The following SNURF variants were observed in gnomAD, a reference collection of about 807,000 sequenced individuals.
SNURF encodes the protein SNURF protein.
Under a neutral mutation model 11.6 loss-of-function variants are expected in SNURF, and 6 were observed. That is an observed-to-expected ratio of 0.52 (90% CI 0.28 to 1.02). SNURF has a LOEUF of 1.02. Ranked by LOEUF, SNURF falls within the 50% of genes least tolerant of loss-of-function variation. The pLI is 0.09. For missense variants in SNURF, 84 were observed against 88.4 expected (o/e 0.95, Z 0.20); for synonymous variants, 29 against 31.6 (o/e 0.92, Z 0.27).
downstream of SNURF, chr15:24,978,415 C>G: frequency 6.2e-7 from 1 of 1,613,838 alleles, no homozygotes; most frequent in Non-Finnish European, 8.5e-7. Flanking sequence ...AGGTCCACCT[C>G]CCCCAGGAAT....
chr15:24,977,999 A>G, downstream of SNURF: 9 of 1,370,644 alleles, frequency 6.6e-6, no homozygotes, highest in South Asian at 1.3e-4. Flanking sequence ...CTGAGAGCCT[A>G]AGAATTTGGG....
chr15:24,975,299 A>G, intron 3 of SNURF: 1 of 1,384,028 alleles, frequency 7.2e-7, no homozygotes, highest in Non-Finnish European at 1.0e-6. Context: ...GAAACAGGAG[A>G]AGATTAGAAG....
chr15:24,967,191 G>A (rs1049807752), intron 2 of SNURF: 5 of 152,364 alleles, frequency 3.3e-5, no homozygotes, highest in Middle Eastern at 3.2e-3. Context: ...GTTTCTTCAA[G>A]GCTGCCAGCT....
chr15:24,971,893 C>G (rs1469341310), downstream of SNURF, among the ~76,000 whole-genome samples: 2 of 152,198 alleles, frequency 1.3e-5, no homozygotes, highest in African/African-American at 4.8e-5. Flanking sequence ...CTGTCTTGCT[C>G]ATTCACAGTC....
At chr15:24,971,315 T>C (rs536278548), downstream of SNURF, among the ~76,000 whole-genome samples, 1 of 152,288 alleles carries the variant, frequency 6.6e-6, no homozygotes, top group South Asian at 2.1e-4. Flanking sequence ...AGTTTTGTTT[T>C]CTTGTGCTGT....
At chr15:24,955,001 C>T in exon 1 of SNURF, 1 of 1,610,934 alleles carries the variant, frequency 6.2e-7, no homozygotes, top group African/African-American at 1.3e-5. Context: ...AGTGGAGCGG[C>T]CGCCGGAGAT....
At chr15:24,956,198 G>C (rs1220896985) in intron 1 of SNURF, among the ~76,000 whole-genome samples, 1 of 152,174 alleles carries the variant, frequency 6.6e-6, no homozygotes, top group Non-Finnish European at 1.5e-5. Context: ...GTGATGCCTG[G>C]GGGTTACTTT....
chr15:24,955,405 A>G (rs1230664231), intron 1 of SNURF, among the ~76,000 whole-genome samples: 1 of 151,862 alleles, frequency 6.6e-6, no homozygotes, highest in Admixed American at 6.6e-5. Flanking sequence ...GGAGGTGGGT[A>G]CATCAGGGTG....
chr15:24,978,142 CT>C, downstream of SNURF: 1 of 1,582,724 alleles, frequency 6.3e-7, no homozygotes, highest in Non-Finnish European at 8.6e-7. Context: ...TAAATTCTAA[CT>C]TTTCTAAGCC....
downstream of SNURF, chr15:24,968,411 A>G: frequency 5.4e-6 from 1 of 184,348 alleles, no homozygotes. Context: ...GGGAGGTGTC[A>G]TTTTTTTCTG....
chr15:24,976,092 C>G (rs776379346), intron 4 of SNURF, among the ~76,000 whole-genome samples: 5 of 152,154 alleles, frequency 3.3e-5, no homozygotes, highest in Non-Finnish European at 7.4e-5. Flanking sequence ...AAGGAACATT[C>G]TGTAAAAGAC....
chr15:24,970,035 C>T (rs533190707), downstream of SNURF, among the ~76,000 whole-genome samples: 1 of 152,042 alleles, frequency 6.6e-6, no homozygotes, highest in African/African-American at 2.4e-5. Flanking sequence ...GAAGAAAACA[C>T]CAAAGTGGGG....
chr15:24,966,295 A>G (rs1048190755), intron 2 of SNURF, among the ~76,000 whole-genome samples: 2 of 152,154 alleles, frequency 1.3e-5, no homozygotes, highest in African/African-American at 4.8e-5. Flanking sequence ...TTTTTTTTAT[A>G]AAGGATACAA....
chr15:24,966,051 G>A (rs2153550361), intron 2 of SNURF, among the ~76,000 whole-genome samples: 1 of 152,252 alleles, frequency 6.6e-6, no homozygotes, highest in Admixed American at 6.5e-5. Context: ...TTAGAGGTAT[G>A]TGCAGTGCAA....
downstream of SNURF, chr15:24,978,235 C>T (rs773223686): frequency 1.2e-6 from 2 of 1,613,850 alleles, no homozygotes; most frequent in African/African-American, 2.7e-5. Context: ...CCCATGGGCC[C>T]ACCAATTGGG....
intron 2 of SNURF, among the ~76,000 whole-genome samples, chr15:24,963,392 G>A (rs1178028693): frequency 1.3e-5 from 2 of 152,020 alleles, no homozygotes; most frequent in Admixed American, 6.6e-5. Flanking sequence ...TAAGCCAGGC[G>A]GATCACAAGG....
intron 1 of SNURF, among the ~76,000 whole-genome samples, chr15:24,955,706 C>T (rs1270046880): frequency 7.0e-6 from 1 of 143,302 alleles, no homozygotes; most frequent in Non-Finnish European, 1.5e-5. Flanking sequence ...GTGGTCGCGG[C>T]GCGGGGAGAG....
intron 2 of SNURF, among the ~76,000 whole-genome samples, chr15:24,963,586 G>C (rs555188070): frequency 6.6e-6 from 1 of 150,568 alleles, no homozygotes. Context: ...CTGCACTCTA[G>C]CCTGGGTGAC....
intron 6 of SNURF, among the ~76,000 whole-genome samples, chr15:24,977,532 A>G (rs2077205315): frequency 6.6e-6 from 1 of 152,016 alleles, no homozygotes; most frequent in South Asian, 2.1e-4. Context: ...CCCAGCTACC[A>G]GGCAGGGAGA....
Sources: gnomAD v4.1 joint callset for allele counts (sites outside exome capture counted in the v4.1 genomes callset) on GRCh38, gnomAD v4.1.1 for gene constraint, MANE v1.5 for transcripts, NCBI Gene and HGNC (gene_info 2026-07-23, HGNC 2026-07-21) for gene names.